Variants in DCDC2C observed in about 807,000 individuals in gnomAD.
DCDC2C encodes doublecortin domain-containing protein 2C.
Under a neutral mutation model 45.0 loss-of-function variants are expected in DCDC2C, and 44 were observed. That is an observed-to-expected ratio of 0.98 (90% CI 0.77 to 1.26). The LOEUF is 1.26. Among genes scored for constraint, DCDC2C ranks in the 50% most tolerant of loss-of-function variants. DCDC2C has a pLI of 0.00. For missense variants in DCDC2C, 447 were observed against 468.9 expected, an observed-to-expected ratio of 0.95 and a Z score of 0.43; for synonymous variants, 187 against 178.8, an observed-to-expected ratio of 1.05 and a Z score of -0.37.
chr2:3,820,843 T>C (rs996145510), intron 10 of DCDC2C, among the ~76,000 whole-genome samples: 1 of 152,134 alleles, frequency 6.6e-6, no homozygotes, highest in African/African-American at 2.4e-5. Flanking sequence ...CTTGGGCTGG[T>C]TGGTCTGAGG....
At chr2:3,834,918 T>C (rs1672039683) in intron 10 of DCDC2C, among the ~76,000 whole-genome samples, 1 of 152,196 alleles carries the variant, frequency 6.6e-6, no homozygotes, top group Admixed American at 6.5e-5. Context: ...TTTCTTTTTA[T>C]CCTCATGTGA....
chr2:3,768,103 G>A (rs1670064412), intron 7 of DCDC2C, among the ~76,000 whole-genome samples: 2 of 151,946 alleles, frequency 1.3e-5, no homozygotes, highest in Admixed American at 1.3e-4. Flanking sequence ...TAATTAGGGG[G>A]CCTCCAAGAT....
At chr2:3,803,084 C>A (rs1447023108) in intron 10 of DCDC2C, among the ~76,000 whole-genome samples, 1 of 152,128 alleles carries the variant, frequency 6.6e-6, no homozygotes, top group East Asian at 1.9e-4. Flanking sequence ...GTTGCTTTTC[C>A]ATGCCAATAG....
At chr2:3,753,763 GCCT>G (rs1217395965) in intron 5 of DCDC2C, among the ~76,000 whole-genome samples, 3 of 152,074 alleles carry the variant, frequency 2.0e-5, no homozygotes, top group Admixed American at 6.5e-5. Context: ...GTCCGGGATG[GCCT>G]CCTCCTATTC....
chr2:3,759,142 C>T (rs1301487924), intron 6 of DCDC2C, among the ~76,000 whole-genome samples: 4 of 152,120 alleles, frequency 2.6e-5, no homozygotes, highest in South Asian at 2.1e-4. Flanking sequence ...GAGATGAGGG[C>T]GGGGCATCCT....
intron 10 of DCDC2C, among the ~76,000 whole-genome samples, chr2:3,788,175 G>A (rs926041501): frequency 1.3e-5 from 2 of 152,054 alleles, no homozygotes; most frequent in African/African-American, 4.8e-5. Flanking sequence ...TTTTTTTGAC[G>A]ATAGTGACAA....
chr2:3,756,552 G>A (rs939865924), intron 6 of DCDC2C, among the ~76,000 whole-genome samples: 1 of 152,206 alleles, frequency 6.6e-6, no homozygotes, highest in Non-Finnish European at 1.5e-5. Flanking sequence ...CACCTGGCAA[G>A]TGTTCAGCCC....
At chr2:3,807,978 C>T (rs753414319) in intron 10 of DCDC2C, among the ~76,000 whole-genome samples, 1 of 152,142 alleles carries the variant, frequency 6.6e-6, no homozygotes, top group Non-Finnish European at 1.5e-5. Flanking sequence ...ACATTTGGGT[C>T]CAACTTTTGA....
intron 10 of DCDC2C, among the ~76,000 whole-genome samples, chr2:3,797,737 A>G (rs368282945): frequency 6.6e-6 from 1 of 151,946 alleles, no homozygotes; most frequent in Non-Finnish European, 1.5e-5. Flanking sequence ...CTGAGAGATA[A>G]TTTGTTATAA....
At chr2:3,801,498 T>A (rs1671112314) in intron 10 of DCDC2C, among the ~76,000 whole-genome samples, 1 of 152,250 alleles carries the variant, frequency 6.6e-6, no homozygotes, top group Admixed American at 6.5e-5. Context: ...CATTTCTTAA[T>A]GTTTATGAGT....
chr2:3,779,469 C>G (rs1670450941), intron 9 of DCDC2C, among the ~76,000 whole-genome samples: 1 of 148,910 alleles, frequency 6.7e-6, no homozygotes, highest in Non-Finnish European at 1.5e-5. Flanking sequence ...TGAGATTATG[C>G]AACTTATCGT....
intron 10 of DCDC2C, among the ~76,000 whole-genome samples, chr2:3,816,748 A>C (rs1027519369): frequency 6.6e-6 from 1 of 152,210 alleles, no homozygotes; most frequent in Non-Finnish European, 1.5e-5. Flanking sequence ...TAGTTTCCTG[A>C]CTTGGGGCAT....
intron 4 of DCDC2C, among the ~76,000 whole-genome samples, chr2:3,750,859 G>A (rs767337139): frequency 1.2e-4 from 18 of 152,010 alleles, no homozygotes; most frequent in South Asian, 8.3e-4. Context: ...CACCGGTGTC[G>A]GCACATCTGC....
chr2:3,801,079 C>T (rs192073947), intron 10 of DCDC2C, among the ~76,000 whole-genome samples: 16 of 152,338 alleles, frequency 1.1e-4, no homozygotes, highest in Non-Finnish European at 1.8e-4. Flanking sequence ...CCACAACCAC[C>T]TTTTGGGAAG....
At chr2:3,732,958 G>A (rs1448037299) in intron 3 of DCDC2C, among the ~76,000 whole-genome samples, 2 of 152,166 alleles carry the variant, frequency 1.3e-5, no homozygotes, top group African/African-American at 4.8e-5. Context: ...CTAATATATT[G>A]TATTTATAAT....
At chr2:3,770,871 T>G (rs1237452258) in intron 8 of DCDC2C, among the ~76,000 whole-genome samples, 1 of 152,210 alleles carries the variant, frequency 6.6e-6, no homozygotes, top group African/African-American at 2.4e-5. Context: ...TATCCCGCAC[T>G]AATGTGAGGT....
intron 10 of DCDC2C, among the ~76,000 whole-genome samples, chr2:3,789,388 C>T (rs1229709039): frequency 1.3e-5 from 2 of 152,116 alleles, no homozygotes; most frequent in Non-Finnish European, 2.9e-5. Context: ...CATCATTGCT[C>T]AACTTTATAC....
chr2:3,746,282 C>A lies in DCDC2C; in HGVS notation c.545+4234C>A, dbSNP rs541213057. ...GATGCGTGCTGTAAGAACTGAAGGA[C>A]GCGGAGGAGCTGGGGCAGGAGGGCA... On this transcript the variant is annotated intron_variant, in intron 4 of 10. Transcript: ENST00000399143. Among the ~76,000 whole-genome samples the A allele has an allele frequency of 2.0e-5, 3 of 152,164 alleles. No individual in the cohort carries two copies. The South Asian group carries it at 6.2e-4, about 32-fold the overall frequency.
chr2:3,814,132 A>AT (rs1003599725), intron 10 of DCDC2C, among the ~76,000 whole-genome samples: 6 of 151,098 alleles, frequency 4.0e-5, no homozygotes, highest in African/African-American at 1.5e-4. Flanking sequence ...CAGCTTTTCC[A>AT]TTTTCCCCAC....
Sources: gnomAD v4.1 joint callset for allele counts (sites outside exome capture counted in the v4.1 genomes callset) on GRCh38, gnomAD v4.1.1 for gene constraint, MANE v1.5 for transcripts, NCBI Gene and HGNC (gene_info 2026-07-23, HGNC 2026-07-21) for gene names.